PCDHA4: variants seen among roughly 807,000 people sequenced by gnomAD.
PCDHA4 encodes the protein protocadherin alpha-4.
PCDHA4 carries 49 observed loss-of-function variants against 61.4 expected under a neutral mutation model. The ratio of observed to expected loss-of-function variants is 0.80; its 90% CI spans 0.63 to 1.01. PCDHA4 has a LOEUF of 1.01. PCDHA4 is among the 50% of genes least tolerant of loss of function. The pLI, the probability that PCDHA4 is intolerant of heterozygous loss-of-function variation, is 0.00. For synonymous variants in PCDHA4, 590 were observed against 550.3 expected (o/e 1.07, Z -1.01); for missense variants, 1,254 against 1,235.8 (o/e 1.01, Z -0.22).
chr5:140,863,400 G>A, intron 1 of PCDHA4: 2 of 854,178 alleles, frequency 2.3e-6, no homozygotes, highest in Admixed American at 1.9e-5. Flanking sequence ...TGCCGGGCAA[G>A]CCCACGCTGG....
intron 1 of PCDHA4, chr5:140,877,773 G>A (rs1554170103): frequency 2.5e-6 from 4 of 1,614,166 alleles, no homozygotes; most frequent in South Asian, 2.2e-5. Flanking sequence ...CGCCCAAGAC[G>A]GACCTCATGG....
Position 140,808,898 on chromosome 5 carries a change from G to A in PCDHA4, c.1711G>A (p.Gly571Ser). The A allele has an allele frequency of 1.2e-6, 2 of 1,613,480 alleles. No individual in the cohort carries two copies. The highest frequency in any genetic ancestry group is 1.7e-6 in the Non-Finnish European group (2 of 1,179,852). Residue 571 changes from glycine to serine, a missense_variant, in exon 1 of 4, where the codon GGT (glycine) becomes AGT (serine). Transcript: ENST00000530339. The stretch of plus-strand genomic sequence containing the variant: ...GCCAGCACTGCTAGCGCCTCGGGCG[G>A]GTGGCACTGGTGGCGCAGTGAGCGA... ...NAPALLAPRAGGTGGAVSELV... is the reference protein window; with the variant it reads ...NAPALLAPRASGTGGAVSELV...
chr5:140,952,923 C>T (rs1554220692), intron 1 of PCDHA4, among the ~76,000 whole-genome samples: 1 of 151,990 alleles, frequency 6.6e-6, no homozygotes, highest in East Asian at 1.9e-4. Context: ...ATGGCATGAG[C>T]AGGAGCAGGA....
At chr5:141,001,452 A>G (rs2098018922) in intron 3 of PCDHA4, among the ~76,000 whole-genome samples, 1 of 152,196 alleles carries the variant, frequency 6.6e-6, no homozygotes, top group Admixed American at 6.5e-5. Context: ...TCCACTGTCA[A>G]TTGAAGGACT....
chr5:140,865,854 C>T (rs1029695094), intron 1 of PCDHA4: 1 of 152,144 alleles, frequency 6.6e-6, no homozygotes, highest in Non-Finnish European at 1.5e-5. Context: ...TTTCTCTGCT[C>T]AAACATGGTC....
At chr5:140,862,971 A>T (rs1581664688) in intron 1 of PCDHA4, 1 of 544,766 alleles carries the variant, frequency 1.8e-6, no homozygotes, top group Non-Finnish European at 3.6e-6. Context: ...GATGCAGGCC[A>T]CTTGGTGGCG....
chr5:140,873,931 G>A (rs2054580396), intron 1 of PCDHA4, among the ~76,000 whole-genome samples: 1 of 152,172 alleles, frequency 6.6e-6, no homozygotes, highest in African/African-American at 2.4e-5. Flanking sequence ...AAAGTGCTGG[G>A]ATTACAGGTG....
intron 1 of PCDHA4, among the ~76,000 whole-genome samples, chr5:140,820,744 T>C: frequency 6.6e-6 from 1 of 151,038 alleles, no homozygotes; most frequent in African/African-American, 2.5e-5. Context: ...TGTGAAATAG[T>C]ATGTCATATA....
At position 140,809,489 on chromosome 5, in the gene PCDHA4, G is replaced by A. The variant is rs1554125251; in HGVS notation, c.2302G>A (p.Asp768Asn). Residue 768 changes from aspartate to asparagine, a missense_variant, in exon 1 of 4, where the codon GAC becomes AAC. Asp to Asn is a conservative substitution (Grantham distance 23). Transcript: ENST00000530339. ...CTCTGGTGAGGGCCCACCCAAGACC[G>A]ACCTCATGGCCTTCAGCCCCAGTTT... is the stretch of plus-strand genomic sequence containing the variant. ...VCSGEGPPKT[D>N]LMAFSPSLPD... is the part of the protein sequence containing the mutation. The A allele has an allele frequency of 6.2e-7, 1 of 1,614,246 alleles. No individual in the cohort carries two copies. Among genetic ancestry groups the A allele is most frequent in the East Asian group, 2.2e-5 (1 of 44,874 alleles).
intron 1 of PCDHA4, chr5:140,966,586 T>C (rs1339521044): frequency 5.5e-6 from 3 of 548,910 alleles, no homozygotes; most frequent in Non-Finnish European, 8.8e-6. Flanking sequence ...GCGAGGACGG[T>C]GGGGCCAGGA....
At chr5:140,984,704 G>A (rs2097116148) in intron 3 of PCDHA4, among the ~76,000 whole-genome samples, 1 of 152,032 alleles carries the variant, frequency 6.6e-6, no homozygotes, top group Non-Finnish European at 1.5e-5. Flanking sequence ...CTGCTTGGAG[G>A]GAATATGGCA....
intron 1 of PCDHA4, chr5:140,877,042 G>C: frequency 6.2e-7 from 1 of 1,612,636 alleles, no homozygotes; most frequent in Non-Finnish European, 8.5e-7. Context: ...GCAGCCGCTA[G>C]ACCACGAGGA....
chr5:140,911,055 G>A lies in PCDHA4; in HGVS notation c.2386-67894G>A, dbSNP rs576580251. The stretch of plus-strand genomic sequence containing the variant: ...CTAGAAGCAAACAGGGGTGGTGGGG[G>A]GTGGGTCCTGAGGAGAATCAACATT... On this transcript the variant is annotated intron_variant, in intron 1 of 3. Transcript: ENST00000530339. 5.3e-5 allele frequency among the ~76,000 whole-genome samples: 8 copies of A among 152,158 alleles called. 1 individual carries two copies. The highest frequency in any genetic ancestry group is 5.2e-4 in the Admixed American group (8 of 15,266).
At chr5:140,880,877 A>G (rs1399131370) in intron 1 of PCDHA4, among the ~76,000 whole-genome samples, 8 of 152,232 alleles carry the variant, frequency 5.3e-5, no homozygotes, top group Non-Finnish European at 8.8e-5. Context: ...GAGGTAAATA[A>G]AGAAATGTAG....
In PCDHA4 at chr5:140,937,196, C is replaced by G. The variant is rs915023517; in HGVS notation, c.2386-41753C>G. On this transcript the variant is annotated intron_variant, in intron 1 of 3. Transcript: ENST00000530339. ...GGGACTACAGGCGCCCGCCACCATG[C>G]CCGGCTAATTTTTTGTATTTTTTGT... Among the ~76,000 whole-genome samples, 5 of 152,108 alleles carry G rather than the reference C, an allele frequency of 3.3e-5. No homozygotes were observed. In the East Asian group the frequency reaches 7.8e-4, roughly 24 times the overall value.
intron 1 of PCDHA4, chr5:140,830,316 C>A (rs1770983457): frequency 1.2e-6 from 2 of 1,613,980 alleles, no homozygotes; most frequent in Non-Finnish European, 1.7e-6. Flanking sequence ...CTGGTGTGCT[C>A]CAGCGCAGTG....
In PCDHA4 at chr5:140,842,663, G is replaced by A. The variant is rs2150341486; in HGVS notation, c.2385+33091G>A. The A allele has an allele frequency of 3.4e-5, 54 of 1,595,410 alleles. 5 individuals are homozygous for A. Among genetic ancestry groups the A allele is most frequent in the South Asian group, 1.5e-4 (14 of 90,476 alleles). ...CAGCTTGTCTGTGGAGGTGGCCGAC[G>A]TGAACGACAATGCTCCGGCGTTCGC... On this transcript the variant is annotated intron_variant, in intron 1 of 3. Transcript: ENST00000530339.
intron 1 of PCDHA4, chr5:140,822,014 A>G (rs2150112935): frequency 6.2e-7 from 1 of 1,614,150 alleles, no homozygotes; most frequent in Non-Finnish European, 8.5e-7. Flanking sequence ...AATCTGCAGA[A>G]TGGCATTTTG....
In PCDHA4 at chr5:140,856,432, C is replaced by T. The variant is rs782418117; in HGVS notation, c.2385+46860C>T. On this transcript the variant is annotated intron_variant, in intron 1 of 3. Transcript: ENST00000530339. ...TGGAAGTGAAGGACATTAACGACAA[C>T]CCGCCCAGGTTCTCCGTAACAGAAC... 1.9e-6 allele frequency: 3 copies of T among 1,598,272 alleles called. No individual in the cohort carries two copies. In the African/African-American group the frequency reaches 4.0e-5, roughly 22 times the overall value.
Sources: gnomAD v4.1 joint callset for allele counts (sites outside exome capture counted in the v4.1 genomes callset) on GRCh38, gnomAD v4.1.1 for gene constraint, MANE v1.5 for transcripts, NCBI Gene and HGNC (gene_info 2026-07-23, HGNC 2026-07-21) for gene names.